NFIC: variants seen among roughly 807,000 people sequenced by gnomAD.
The protein encoded by NFIC is nuclear factor 1 C-type.
In NFIC, 12 loss-of-function variants were observed where a neutral mutation model predicts 54.4. The ratio of observed to expected loss-of-function variants is 0.22; its 90% confidence interval spans 0.14 to 0.36. NFIC has a LOEUF of 0.36. Ranked by LOEUF, NFIC falls within the 10% of genes least tolerant of loss-of-function variation. The pLI, the probability that NFIC is intolerant of heterozygous loss-of-function variation, is 1.00. For synonymous variants in NFIC, 322 were observed against 319.2 expected (o/e 1.01, Z -0.09); for missense variants, 575 against 718.2 (o/e 0.80, Z 2.28).
At chr19:3,360,296 C>T (rs1316635734) in intron 1 of NFIC, among the ~76,000 whole-genome samples, 2 of 146,718 alleles carry the variant, frequency 1.4e-5, no homozygotes, top group African/African-American at 4.9e-5. Context: ...GGAGCAGCCG[C>T]CCCGCCTGCC....
At chr19:3,454,292 T>C (rs2082517773) in intron 9 of NFIC, 1 of 1,064,422 alleles carries the variant, frequency 9.4e-7, no homozygotes, top group Non-Finnish European at 1.1e-6. Flanking sequence ...ACTGGTCTTT[T>C]GTTTGTGGAG....
At chr19:3,371,199 C>T (rs1355477393) in intron 1 of NFIC, among the ~76,000 whole-genome samples, 1 of 152,076 alleles carries the variant, frequency 6.6e-6, no homozygotes, top group East Asian at 1.9e-4. Flanking sequence ...TAAACTAATT[C>T]TCCTCTTTCC....
intron 2 of NFIC, among the ~76,000 whole-genome samples, chr19:3,417,062 T>C (rs1216856950): frequency 1.3e-5 from 2 of 150,940 alleles, no homozygotes; most frequent in Non-Finnish European, 3.0e-5. Flanking sequence ...TTTTTTTGTA[T>C]TTTTAGTAGA....
chr19:3,440,925 C>A (rs892538842), intron 6 of NFIC, among the ~76,000 whole-genome samples: 3 of 152,190 alleles, frequency 2.0e-5, no homozygotes, highest in African/African-American at 4.8e-5. Flanking sequence ...ATGCCATCCT[C>A]CTTCCTCAGC....
At position 3,370,568 on chromosome 19, in the gene NFIC, C is replaced by T. The variant is rs897716193; in HGVS notation, c.30+3902C>T. Among the ~76,000 whole-genome samples the T allele has an allele frequency of 9.3e-5, 14 of 149,902 alleles. No individual in the cohort carries two copies. Among genetic ancestry groups the T allele is most frequent in the African/African-American group, 3.4e-4 (14 of 40,618 alleles). ...CTCTCCCTCTCTCCTTCTCTGTCTC[C>T]CTTTCCGTCTTTCCCTCTTCCTTTC... is the stretch of plus-strand genomic sequence containing the variant. On this transcript the variant is annotated intron_variant, in intron 1 of 10. Transcript: ENST00000443272. The surrounding 1 kb of genome is among the most constrained non-coding windows in gnomAD (Gnocchi z 5.2).
At chr19:3,419,251 A>G (rs1022456116) in intron 2 of NFIC, among the ~76,000 whole-genome samples, 4 of 152,190 alleles carry the variant, frequency 2.6e-5, no homozygotes, top group African/African-American at 4.8e-5. Context: ...TTTTACCACA[A>G]TAAGAAATTA....
In NFIC at chr19:3,466,604, T is replaced by C. The variant is rs930654744; in HGVS notation, c.*3835T>C. 3.8e-4 allele frequency: 58 copies of C among 151,550 alleles called. No homozygotes were observed. The highest frequency in any genetic ancestry group is 2.1e-3 in the Admixed American group (32 of 15,242). 9.4% of individuals were successfully genotyped at this position (151,550 alleles called of 1,614,324 possible). ...CGACATTGCCCTTAAGTAATATGCA[T>C]TGGCCAGAGAGCCCGGGCTGGCTGT... On this transcript the variant is annotated 3_prime_UTR_variant, in exon 11 of 11. Coordinates refer to ENST00000443272, the MANE Select transcript of NFIC (RefSeq NM_001245002.2). The surrounding 1 kb of genome is among the most constrained non-coding windows in gnomAD (Gnocchi z 4.8).
upstream of NFIC, among the ~76,000 whole-genome samples, chr19:3,363,244 TATATATATATA>T: frequency 2.1e-5 from 1 of 47,268 alleles, no homozygotes; most frequent in Non-Finnish European, 3.9e-5. Context: ...TGTGTGTGTA[TATATATATATA>T]TATATATATA....
At chr19:3,449,665 C>T (rs2078682754) in intron 7 of NFIC, among the ~76,000 whole-genome samples, 1 of 149,802 alleles carries the variant, frequency 6.7e-6, no homozygotes, top group African/African-American at 2.5e-5. Context: ...GAGGCTGAGG[C>T]AGGAGAATTG....
chr19:3,434,435 T>C (rs2145630879), intron 5 of NFIC, 35 bp downstream of exon 5: 1 of 1,561,890 alleles, frequency 6.4e-7, no homozygotes, highest in Non-Finnish European at 8.7e-7. Context: ...GGGCATTTCA[T>C]GACCCCATTC....
chr19:3,436,309 A>ATTT (rs71166903), intron 6 of NFIC, among the ~76,000 whole-genome samples: 1 of 85,508 alleles, frequency 1.2e-5, no homozygotes, highest in Non-Finnish European at 2.4e-5. Context: ...TGCGCCGTTA[A>ATTT]TTTTTTTTTT....
chr19:3,454,601 G>T (rs2082523177), intron 9 of NFIC, among the ~76,000 whole-genome samples: 1 of 151,972 alleles, frequency 6.6e-6, no homozygotes, highest in South Asian at 2.1e-4. Flanking sequence ...GTCCGCAGTG[G>T]CTCTACCCCC....
intron 10 of NFIC, among the ~76,000 whole-genome samples, chr19:3,457,294 G>A (rs2082574244): frequency 6.6e-6 from 1 of 152,186 alleles, no homozygotes; most frequent in Non-Finnish European, 1.5e-5. Flanking sequence ...AGCATGGCCG[G>A]GGTCCCACCA....
At chr19:3,372,584 C>T (rs938929228) in intron 1 of NFIC, among the ~76,000 whole-genome samples, 4 of 152,074 alleles carry the variant, frequency 2.6e-5, no homozygotes, top group East Asian at 1.9e-4. Context: ...ATGTGGTGTG[C>T]GACCGACCTC....
chr19:3,435,160 G>C lies in NFIC; in HGVS notation c.911G>C (p.Ser304Thr). 1 of 1,605,308 alleles carries C rather than the reference G, an allele frequency of 6.2e-7. No homozygotes were observed. The highest frequency in any genetic ancestry group is 8.5e-7 in the Non-Finnish European group (1 of 1,176,850). The stretch of plus-strand genomic sequence containing the variant: ...GGCGGCGATTACTACACTTCGCCCA[G>C]CTCGCCCACGAGTAGCAGCCGCAAC... Reference protein sequence around the residue: ...SPGGDYYTSPSSPTSSSRNWT... With the variant: ...SPGGDYYTSPTSPTSSSRNWT... Residue 304 changes from serine (S) to threonine (T), a missense_variant, in exon 6 of 11, where the codon AGC becomes ACC. Coordinates refer to ENST00000443272, the MANE Select transcript of NFIC (RefSeq NM_001245002.2).
At chr19:3,397,772 G>C (rs2145525439) in intron 2 of NFIC, among the ~76,000 whole-genome samples, 1 of 152,304 alleles carries the variant, frequency 6.6e-6, no homozygotes, top group Non-Finnish European at 1.5e-5. Context: ...TACCTTAAAG[G>C]GCCAGTGCTC....
At chr19:3,419,886 G>A (rs1254256301) in intron 2 of NFIC, among the ~76,000 whole-genome samples, 3 of 151,946 alleles carry the variant, frequency 2.0e-5, no homozygotes. Context: ...ACCCAAGAAA[G>A]GGAACTACAA....
chr19:3,406,392 C>T (rs1260194056), intron 2 of NFIC, among the ~76,000 whole-genome samples: 1 of 48,696 alleles, frequency 2.1e-5, no homozygotes, highest in Non-Finnish European at 4.2e-5. Context: ...CCGTGCCCTG[C>T]CTATTTTTTT....
At chr19:3,395,089 T>A (rs2081441155) in intron 2 of NFIC, among the ~76,000 whole-genome samples, 1 of 152,066 alleles carries the variant, frequency 6.6e-6, no homozygotes, top group African/African-American at 2.4e-5. Flanking sequence ...CTGGGCGCGG[T>A]GGCTCACACC....
Sources: allele counts gnomAD v4.1 joint callset (sites outside exome capture counted in the v4.1 genomes callset), GRCh38; gene constraint gnomAD v4.1.1; non-coding constraint Gnocchi (gnomAD v3.1); transcripts MANE v1.5; gene names NCBI Gene and HGNC (gene_info 2026-07-23, HGNC 2026-07-21).